INPP4B: variants seen among roughly 807,000 people sequenced by gnomAD.
INPP4B encodes inositol polyphosphate 4-phosphatase type II.
A neutral mutation model predicts 122.5 loss-of-function variants in INPP4B; 55 were observed. That is an observed-to-expected ratio of 0.45 (90% CI 0.36 to 0.56). INPP4B has a LOEUF of 0.56. Ranked by LOEUF, INPP4B falls within the 20% of genes least tolerant of loss-of-function variation. INPP4B has a pLI of 0.00. For missense variants in INPP4B, 1,000 were observed against 1,097.7 expected (o/e 0.91, Z 1.26); for synonymous variants, 403 against 388.7 (o/e 1.04, Z -0.43).
At chr4:142,244,073 C>A (rs1860856235) in intron 11 of INPP4B, among the ~76,000 whole-genome samples, 1 of 151,762 alleles carries the variant, frequency 6.6e-6, no homozygotes, top group African/African-American at 2.4e-5. Context: ...CCCCCCACCC[C>A]CTGACAGGTC....
chr4:142,037,577 T>C (rs1418949368), intron 25 of INPP4B, among the ~76,000 whole-genome samples: 2 of 152,210 alleles, frequency 1.3e-5, no homozygotes, highest in Admixed American at 6.5e-5. Flanking sequence ...CCAACCTGAT[T>C]TCCTCCCATG....
chr4:142,235,966 A>G (rs1352621822), intron 12 of INPP4B, among the ~76,000 whole-genome samples: 1 of 152,216 alleles, frequency 6.6e-6, no homozygotes, highest in Non-Finnish European at 1.5e-5. Context: ...ATTATTGTTA[A>G]CTGTAATTAG....
At chr4:142,761,947 C>A (rs1371477805) in intron 1 of INPP4B, among the ~76,000 whole-genome samples, 1 of 152,010 alleles carries the variant, frequency 6.6e-6, no homozygotes, top group East Asian at 1.9e-4. Context: ...GGTTCCTAGC[C>A]AAAAATGATC....
intron 2 of INPP4B, among the ~76,000 whole-genome samples, chr4:142,527,346 A>G (rs28503691): frequency 0.063 from 9,536 of 151,992 alleles, 354 homozygotes; most frequent in African/African-American, 0.093. Context: ...AATCAAACAC[A>G]TATACATACA....
chr4:142,132,259 T>C (rs1801678881), intron 18 of INPP4B, among the ~76,000 whole-genome samples: 1 of 152,012 alleles, frequency 6.6e-6, no homozygotes, highest in South Asian at 2.1e-4. Flanking sequence ...GAGAATAAGA[T>C]TGGAGAAGGT....
chr4:142,421,070 C>T lies in INPP4B; in HGVS notation c.136+8103G>A, dbSNP rs149999809. ...GGGCTATTTTTCTAATGCCTTATAG[C>T]TATAGAGTAGCAAAGATAGGATTCA... On this transcript the variant is annotated intron_variant, in intron 5 of 25. Transcript: ENST00000262992. Among the ~76,000 whole-genome samples the T allele has an allele frequency of 5.4e-3, 817 of 152,184 alleles. 2 individuals carry two copies. The highest frequency in any genetic ancestry group is 0.019 in the African/African-American group (788 of 41,546).
rs139445864 is a variant in INPP4B, at chr4:142,634,810, G to A, written c.-191+91029C>T. Among the ~76,000 whole-genome samples the A allele has an allele frequency of 3.9e-5, 6 of 152,006 alleles. No homozygotes were observed. In the East Asian group the frequency reaches 5.8e-4, roughly 15 times the overall value. On this transcript the variant is annotated intron_variant, in intron 2 of 25. Coordinates refer to ENST00000262992, the MANE Select transcript of INPP4B (RefSeq NM_001101669.3). Reference sequence around the variant, plus strand: ...TATCAATATTATAGTGGAGGTTCTGGTCAGTGTAATAACATAAGAAAAACA... The same window carrying A: ...TATCAATATTATAGTGGAGGTTCTGATCAGTGTAATAACATAAGAAAAACA...
At chr4:142,309,523 G>A (rs1369507889) in intron 8 of INPP4B, among the ~76,000 whole-genome samples, 3 of 152,110 alleles carry the variant, frequency 2.0e-5, no homozygotes, top group African/African-American at 7.2e-5. Flanking sequence ...TAAGGAACTG[G>A]GGCCTCTAAG....
intron 2 of INPP4B, among the ~76,000 whole-genome samples, chr4:142,643,107 C>T (rs1750907946): frequency 6.6e-6 from 1 of 152,120 alleles, no homozygotes; most frequent in African/African-American, 2.4e-5. Context: ...GTGATTTTTG[C>T]ACGTTGATTT....
chr4:142,816,891 T>C (rs1780180298), intron 1 of INPP4B, among the ~76,000 whole-genome samples: 1 of 152,268 alleles, frequency 6.6e-6, no homozygotes, highest in Non-Finnish European at 1.5e-5. Flanking sequence ...ATTTAGAGTT[T>C]TGTGGGGAAG....
At chr4:142,376,164 G>A (rs1561961865) in intron 7 of INPP4B, among the ~76,000 whole-genome samples, 1 of 151,980 alleles carries the variant, frequency 6.6e-6, no homozygotes, top group Non-Finnish European at 1.5e-5. Flanking sequence ...TTAGTAAATT[G>A]TGACACAACT....
intron 23 of INPP4B, among the ~76,000 whole-genome samples, chr4:142,103,288 T>G (rs1785375772): frequency 6.6e-6 from 1 of 152,132 alleles, no homozygotes; most frequent in African/African-American, 2.4e-5. Flanking sequence ...TTAGTCTTCC[T>G]TTCCTTACAC....
At chr4:142,223,012 T>G (rs528242919) in intron 12 of INPP4B, among the ~76,000 whole-genome samples, 1 of 152,278 alleles carries the variant, frequency 6.6e-6, no homozygotes, top group Non-Finnish European at 1.5e-5. Context: ...ACATTTTTTT[T>G]ATCAATAGTT....
chr4:142,051,600 G>C (rs1163435009), intron 25 of INPP4B, among the ~76,000 whole-genome samples: 1 of 151,856 alleles, frequency 6.6e-6, no homozygotes, highest in East Asian at 1.9e-4. Flanking sequence ...ATTCGAAGGA[G>C]ATATAGATTA....
chr4:142,273,163 T>C (rs534632951), intron 9 of INPP4B, among the ~76,000 whole-genome samples: 13 of 152,112 alleles, frequency 8.5e-5, no homozygotes, highest in African/African-American at 3.1e-4. Flanking sequence ...GTTTAAGAAT[T>C]AAATTATGGG....
chr4:142,082,848 C>T (rs182145134), intron 24 of INPP4B, among the ~76,000 whole-genome samples: 22 of 152,228 alleles, frequency 1.4e-4, no homozygotes, highest in Middle Eastern at 3.4e-3. Flanking sequence ...TCACAGGGGC[C>T]GGGCACAGCG....
intron 12 of INPP4B, among the ~76,000 whole-genome samples, chr4:142,221,258 G>A (rs1849240735): frequency 6.6e-6 from 1 of 151,788 alleles, no homozygotes; most frequent in African/African-American, 2.4e-5. Context: ...AAATTAGCCA[G>A]GCTTGGTGGC....
rs764003730 is a variant in INPP4B at position 142,305,557 on chromosome 4, TG to T, written c.424-21del. 6.2e-7 allele frequency: 1 copy of T among 1,602,346 alleles called. No individual in the cohort carries two copies. The highest frequency in any genetic ancestry group is 1.1e-5 in the South Asian group (1 of 88,952). On this transcript the variant is annotated intron_variant, in intron 8 of 25. Transcript: ENST00000262992. The stretch of plus-strand genomic sequence containing the variant: ...ACTTCGCTGAAAATAACAGAAAGAA[TG>T]GTTTCATTAACTTGAGGTTCTTTAA...
intron 7 of INPP4B, among the ~76,000 whole-genome samples, chr4:142,395,540 C>A (rs1308275776): frequency 6.6e-6 from 1 of 152,128 alleles, no homozygotes; most frequent in East Asian, 1.9e-4. Flanking sequence ...CCATAGGATA[C>A]AACAATCTCA....
Sources: gnomAD v4.1 joint callset for allele counts (sites outside exome capture counted in the v4.1 genomes callset) on GRCh38, gnomAD v4.1.1 for gene constraint, MANE v1.5 for transcripts, NCBI Gene and HGNC (gene_info 2026-07-23, HGNC 2026-07-21) for gene names.